The following LGR4 variants were observed in gnomAD, a reference collection of about 807,000 sequenced individuals.
LGR4 encodes the protein leucine-rich repeat-containing G protein-coupled receptor 4.
A neutral mutation model predicts 84.8 loss-of-function variants in LGR4; 44 were observed. The observed-to-expected ratio is 0.52, with a 90% CI of 0.41 to 0.67. LGR4 has a LOEUF of 0.67. LGR4 is among the 30% of genes least tolerant of loss of function. The probability of loss-of-function intolerance (pLI) is 0.00; values close to 1 mark genes in which losing one functional copy is unlikely to be tolerated. For missense variants in LGR4, 1,032 were observed against 1,131.4 expected, an observed-to-expected ratio of 0.91 and a Z score of 1.26; for synonymous variants, 429 against 434.3, an observed-to-expected ratio of 0.99 and a Z score of 0.15.
chr11:27,445,522 T>C (rs1422121145), intron 1 of LGR4, among the ~76,000 whole-genome samples: 1 of 152,106 alleles, frequency 6.6e-6, no homozygotes, highest in Non-Finnish European at 1.5e-5. Context: ...TTCATAAATG[T>C]TAAAACAGGA....
chr11:27,467,282 A>G (rs890058489), intron 1 of LGR4, among the ~76,000 whole-genome samples: 3 of 151,870 alleles, frequency 2.0e-5, no homozygotes, highest in Non-Finnish European at 4.4e-5. Context: ...AAAAATCAAA[A>G]TAAGGCGGGG....
chr11:27,397,804 C>T (rs940021198), intron 2 of LGR4, among the ~76,000 whole-genome samples: 1 of 152,176 alleles, frequency 6.6e-6, no homozygotes, highest in Non-Finnish European at 1.5e-5. Context: ...AGAATTAAAA[C>T]AAGTCTAGCA....
intron 2 of LGR4, among the ~76,000 whole-genome samples, chr11:27,406,673 TGAC>T (rs1863616945): frequency 6.6e-6 from 1 of 152,192 alleles, no homozygotes; most frequent in Non-Finnish European, 1.5e-5. Context: ...CACTCCTCTA[TGAC>T]TTCTGTATGT....
Position 27,391,585 on chromosome 11 carries a change from C to G in LGR4, c.330-420G>C, listed in dbSNP as rs147484436. On this transcript the variant is annotated intron_variant, in intron 3 of 17. Transcript: ENST00000379214. Reference sequence around the variant, plus strand: ...TTTCAAATTGGAATAAAGCAGAGCCCGGAAACATGGACATTAGGTAAAGCC... The same window carrying G: ...TTTCAAATTGGAATAAAGCAGAGCCGGGAAACATGGACATTAGGTAAAGCC... Among the ~76,000 whole-genome samples the G allele has an allele frequency of 4.7e-3, 711 of 152,124 alleles. 3 individuals carry two copies. The highest frequency in any genetic ancestry group is 0.016 in the African/African-American group (676 of 41,504).
intron 4 of LGR4, among the ~76,000 whole-genome samples, chr11:27,388,527 A>G (rs1863228243): frequency 6.6e-6 from 1 of 152,182 alleles, no homozygotes; most frequent in African/African-American, 2.4e-5. Context: ...GGTGAATAAC[A>G]TATTTATTCA....
At chr11:27,450,526 C>T (rs1183269326) in intron 1 of LGR4, among the ~76,000 whole-genome samples, 1 of 152,210 alleles carries the variant, frequency 6.6e-6, no homozygotes, top group Middle Eastern at 3.4e-3. Context: ...CGGTGGCTCA[C>T]GTCTGTAATC....
Position 27,370,766 on chromosome 11 carries a change from T to A in LGR4, c.1579+849A>T, listed in dbSNP as rs1221306260. Among the ~76,000 whole-genome samples, 3 of 152,302 alleles carry A rather than the reference T, an allele frequency of 2.0e-5. No individual in the cohort carries two copies. In the East Asian group the frequency reaches 5.8e-4, roughly 29 times the overall value. On this transcript the variant is annotated intron_variant, in intron 17 of 17. Transcript: ENST00000379214. ...TCCCTTCTCATTGGATCATCAGTTCTTTATGTACATTCTCTGGCACATGAA... is the reference window on the plus strand; with the variant it reads ...TCCCTTCTCATTGGATCATCAGTTCATTATGTACATTCTCTGGCACATGAA...
At chr11:27,432,111 T>C (rs1459725541) in intron 1 of LGR4, among the ~76,000 whole-genome samples, 1 of 152,140 alleles carries the variant, frequency 6.6e-6, no homozygotes, top group South Asian at 2.1e-4. Flanking sequence ...TAGCAGAGCA[T>C]TGCCACTCAC....
At chr11:27,464,329 T>C (rs1316432900) in intron 1 of LGR4, among the ~76,000 whole-genome samples, 2 of 152,210 alleles carry the variant, frequency 1.3e-5, no homozygotes, top group Non-Finnish European at 2.9e-5. Flanking sequence ...GGCATACAGC[T>C]GATCCCTTAG....
intron 16 of LGR4, 95 bp downstream of exon 16, chr11:27,372,188 A>G: frequency 1.2e-6 from 1 of 814,264 alleles, no homozygotes; most frequent in Non-Finnish European, 2.1e-6. Context: ...TTTCTCACAG[A>G]TTTCCTATTG....
intron 1 of LGR4, among the ~76,000 whole-genome samples, chr11:27,467,136 G>T (rs945830189): frequency 2.0e-5 from 3 of 152,076 alleles, no homozygotes. Flanking sequence ...TTGCCTGTGA[G>T]GCATGAGTTC....
chr11:27,380,928 C>G lies in LGR4; in HGVS notation c.797G>C (p.Gly266Ala). 1 of 1,559,750 alleles carries G rather than the reference C, an allele frequency of 6.4e-7. No homozygotes were observed. The highest frequency in any genetic ancestry group is 8.8e-7 in the Non-Finnish European group (1 of 1,131,230). The change falls in exon 8 of 18, where the codon GGA (glycine) becomes GCA (alanine). Residue 266 changes from glycine (G) to alanine (A), a missense_variant. Transcript: ENST00000379214. ...HSNSISVIPD[G>A]AFDGNPLLRT... ...TAAGAGTGGATTACCATCAAATGCT[C>G]CATCAGGGATAACAGAAATAGAATT... is the stretch of plus-strand genomic sequence containing the variant.
At chr11:27,423,305 A>G (rs1435424236) in intron 1 of LGR4, among the ~76,000 whole-genome samples, 1 of 152,196 alleles carries the variant, frequency 6.6e-6, no homozygotes, top group Non-Finnish European at 1.5e-5. Flanking sequence ...ATATACCCTG[A>G]AGACCAGCTG....
rs1864903205 is a variant in LGR4 at position 27,472,599 on chromosome 11, C to T, written c.-297G>A. ...CGGCGGGGGCCGCGCTCTGCCATCGCACCGGTCTCCCTGTCCCTGGCCTCT... is the reference window on the plus strand; with the variant it reads ...CGGCGGGGGCCGCGCTCTGCCATCGTACCGGTCTCCCTGTCCCTGGCCTCT... On this transcript the variant is annotated 5_prime_UTR_variant, in exon 1 of 18. Coordinates refer to ENST00000379214, the MANE Select transcript of LGR4 (RefSeq NM_018490.5). 2.7e-6 allele frequency: 1 copy of T among 371,828 alleles called. No individual in the cohort carries two copies. The highest frequency in any genetic ancestry group is 2.1e-5 in the African/African-American group (1 of 47,434). The allele number at this position is 371,828 out of a possible 1,614,324, so 23.0% of individuals were successfully genotyped here.
At position 27,367,256 on chromosome 11, in the gene LGR4, T is replaced by C. The variant is rs1862782651; in HGVS notation, c.*611A>G. On this transcript the variant is annotated 3_prime_UTR_variant, in exon 18 of 18. Transcript: ENST00000379214. The stretch of plus-strand genomic sequence containing the variant: ...TTTTTTAACCTAACAGCTGTTAATA[T>C]TGTTTTAAAAACATCTTCAGGTTTT... The C allele has an allele frequency of 1.3e-5, 2 of 152,410 alleles. No individual in the cohort carries two copies. The highest frequency in any genetic ancestry group is 4.8e-5 in the African/African-American group (2 of 41,462). 9.4% of individuals were successfully genotyped at this position (152,410 alleles called of 1,614,324 possible). A position where few individuals can be genotyped will look rare whatever the true frequency, so the allele number is the denominator to read the frequency against.
intron 1 of LGR4, among the ~76,000 whole-genome samples, chr11:27,448,571 C>T (rs532175103): frequency 2.0e-4 from 31 of 152,244 alleles, no homozygotes; most frequent in African/African-American, 6.5e-4. Flanking sequence ...GGATTACAGG[C>T]GTGAGCCACC....
At chr11:27,448,744 C>T (rs1271411261) in intron 1 of LGR4, among the ~76,000 whole-genome samples, 2 of 152,086 alleles carry the variant, frequency 1.3e-5, no homozygotes, top group Non-Finnish European at 2.9e-5. Flanking sequence ...TTGAAAATAT[C>T]AGGTAGGTTT....
intron 7 of LGR4, among the ~76,000 whole-genome samples, chr11:27,381,389 C>A (rs1368782249): frequency 6.6e-6 from 1 of 152,208 alleles, no homozygotes; most frequent in East Asian, 1.9e-4. Context: ...CCATGACAAA[C>A]CCGACGTCCA....
intron 1 of LGR4, among the ~76,000 whole-genome samples, chr11:27,419,739 T>C (rs1341041551): frequency 6.6e-6 from 1 of 151,508 alleles, no homozygotes; most frequent in Admixed American, 6.6e-5. Context: ...TACAATGGAA[T>C]GTTATCCAGC....
Sources: allele counts gnomAD v4.1 joint callset (sites outside exome capture counted in the v4.1 genomes callset), GRCh38; gene constraint gnomAD v4.1.1; transcripts MANE v1.5; gene names NCBI Gene and HGNC (gene_info 2026-07-23, HGNC 2026-07-21).